TMPRSS11E: variants seen among roughly 807,000 people sequenced by gnomAD.
The protein encoded by TMPRSS11E is transmembrane protease serine 11E.
Under a neutral mutation model 48.1 loss-of-function variants are expected in TMPRSS11E, and 38 were observed. The ratio of observed to expected loss-of-function variants is 0.79; its 90% CI spans 0.61 to 1.04. The LOEUF (loss-of-function observed/expected upper bound fraction) is 1.04, where lower values mean the gene tolerates loss of function less well. Among genes scored for constraint, TMPRSS11E ranks in the 50% least tolerant of loss-of-function variants. The pLI is 0.00. For missense variants in TMPRSS11E, 530 were observed against 510.8 expected (o/e 1.04, Z -0.36); for synonymous variants, 158 against 171.9 (o/e 0.92, Z 0.63).
chr4:68,455,893 T>A lies in TMPRSS11E; in HGVS notation c.12-5928T>A, dbSNP rs375001379. 2.4e-4 allele frequency among the ~76,000 whole-genome samples: 36 copies of A among 152,138 alleles called. No individual in the cohort carries two copies. In the South Asian group the frequency reaches 7.1e-3, roughly 30 times the overall value. ...AAAGAAAGCAAATATATTAGTAGAA[T>A]TCAAACTTCAGTAGCTTAGTTTAAG... is the stretch of plus-strand genomic sequence containing the variant. On this transcript the variant is annotated intron_variant, in intron 1 of 9. Coordinates refer to ENST00000305363, the MANE Select transcript of TMPRSS11E (RefSeq NM_014058.4).
intron 9 of TMPRSS11E, among the ~76,000 whole-genome samples, chr4:68,490,951 G>A (rs1249153076): frequency 2.6e-5 from 4 of 151,622 alleles, no homozygotes; most frequent in Admixed American, 6.6e-5. Flanking sequence ...TAGAGACGGC[G>A]TTTTGCCATG....
Position 68,485,234 on chromosome 4 carries a change from TCC to T in TMPRSS11E, c.1110+6247_1110+6248del, listed in dbSNP as rs1468094205. Among the ~76,000 whole-genome samples the T allele has an allele frequency of 1.2e-4, 18 of 152,112 alleles. 1 individual carries two copies. The South Asian group carries it at 3.5e-3, about 30-fold the overall frequency. The stretch of plus-strand genomic sequence containing the variant: ...CGATCTCAGCTCACTGCAACCTCTG[TCC>T]CCCAGGTTCTAGTGATTCTCCTGCC... On this transcript the variant is annotated intron_variant, in intron 9 of 9. Coordinates refer to ENST00000305363, the MANE Select transcript of TMPRSS11E (RefSeq NM_014058.4).
Position 68,474,851 on chromosome 4 carries a change from T to C in TMPRSS11E, c.529+90T>C, listed in dbSNP as rs959652120. On this transcript the variant is annotated intron_variant, in intron 6 of 9. Coordinates refer to ENST00000305363, the MANE Select transcript of TMPRSS11E (RefSeq NM_014058.4). ...TTAGGTTTACTTTGTGTTGATATCA[T>C]AGGGACAGAACACATAAAGTTTGAT... 54 of 1,043,304 alleles carry C rather than the reference T, an allele frequency of 5.2e-5. No homozygotes were observed. The Middle Eastern group carries it at 8.9e-4, about 17-fold the overall frequency. The allele number at this position is 1,043,304 out of a possible 1,614,324, so 64.6% of individuals were successfully genotyped here.
intron 1 of TMPRSS11E, among the ~76,000 whole-genome samples, chr4:68,456,949 A>C (rs1024217169): frequency 2.6e-5 from 4 of 152,166 alleles, no homozygotes; most frequent in African/African-American, 9.7e-5. Flanking sequence ...AACCATAAAA[A>C]CTCTAGAAGA....
At chr4:68,482,337 T>C (rs1410251145) in intron 9 of TMPRSS11E, among the ~76,000 whole-genome samples, 1 of 152,070 alleles carries the variant, frequency 6.6e-6, no homozygotes, top group Non-Finnish European at 1.5e-5. Context: ...CAGGGATAAA[T>C]ATCCAAATTA....
At position 68,461,873 on chromosome 4, in the gene TMPRSS11E, G is replaced by T; in HGVS notation, c.64G>T (p.Gly22Cys). Residue 22 changes from glycine to cysteine, a missense_variant, in exon 2 of 10, where the codon GGC (glycine) becomes TGC (cysteine). By Grantham distance (159) the Gly-to-Cys change is radical. Transcript: ENST00000305363. ...KRVCWEPWVI[G>C]LVIFISLIVL... ...AGTTTGTTGGGAACCCTGGGTTATC[G>T]GCCTCGTCATCTTCATATCCCTGAT... 1 of 1,614,104 alleles carries T rather than the reference G, an allele frequency of 6.2e-7. No homozygotes were observed. The highest frequency in any genetic ancestry group is 1.7e-5 in the Admixed American group (1 of 60,010).
chr4:68,469,280 A>G (rs1437620301), intron 4 of TMPRSS11E, among the ~76,000 whole-genome samples: 3 of 151,994 alleles, frequency 2.0e-5, no homozygotes, highest in African/African-American at 7.2e-5. Flanking sequence ...GTAAGACAAT[A>G]TAGTAGATCA....
intron 1 of TMPRSS11E, among the ~76,000 whole-genome samples, chr4:68,448,423 G>A (rs1728402182): frequency 6.6e-6 from 1 of 151,828 alleles, no homozygotes; most frequent in Admixed American, 6.6e-5. Flanking sequence ...CATTTTGTTG[G>A]GCTTATCAAG....
chr4:68,448,200 T>A (rs1168662923), intron 1 of TMPRSS11E, among the ~76,000 whole-genome samples: 1 of 152,026 alleles, frequency 6.6e-6, no homozygotes, highest in Non-Finnish European at 1.5e-5. Flanking sequence ...TTAAAATTTA[T>A]TTTCTCTGAT....
In TMPRSS11E at chr4:68,461,802, T is replaced by A; in HGVS notation, c.12-19T>A. The A allele has an allele frequency of 6.2e-7, 1 of 1,614,046 alleles. No homozygotes were observed. Among genetic ancestry groups the A allele is most frequent in the Non-Finnish European group, 8.5e-7 (1 of 1,179,944 alleles). On this transcript the variant is annotated intron_variant, in intron 1 of 9. Coordinates refer to ENST00000305363, the MANE Select transcript of TMPRSS11E (RefSeq NM_014058.4). Reference sequence around the variant, plus strand: ...GTTGCATGCTCTGAAATAATCTATCTATTTATTTTCTTCCTTAGGCCAGAT... The same window carrying A: ...GTTGCATGCTCTGAAATAATCTATCAATTTATTTTCTTCCTTAGGCCAGAT...
In TMPRSS11E at chr4:68,471,445, T is replaced by G. The variant is rs1729064489; in HGVS notation, c.327-15T>G. 1 of 1,237,306 alleles carries G rather than the reference T, an allele frequency of 8.1e-7. No homozygotes were observed. Among genetic ancestry groups the G allele is most frequent in the South Asian group, 2.1e-5 (1 of 47,360 alleles). 76.6% of individuals were successfully genotyped at this position (1,237,306 alleles called of 1,614,324 possible). On this transcript the variant is annotated splice_polypyrimidine_tract_variant and intron_variant, in intron 4 of 9. Transcript: ENST00000305363. ...TTCTTTTCTTTCTTTCATTTTCTTC[T>G]TTTTTGGCCCACAGTCAACAGAAGC...
chr4:68,478,403 G>A (rs1578141334), intron 8 of TMPRSS11E, among the ~76,000 whole-genome samples: 1 of 145,230 alleles, frequency 6.9e-6, no homozygotes, highest in Non-Finnish European at 1.5e-5. Flanking sequence ...CTCGGCCTCC[G>A]AAAGTGCTGG....
At chr4:68,474,645 CT>C in intron 5 of TMPRSS11E, 77 bp from the exon 6 acceptor site, 1 of 1,337,490 alleles carries the variant, frequency 7.5e-7, no homozygotes, top group South Asian at 1.3e-5. Context: ...ATTAAGCAGC[CT>C]TTTAGTATTT....
intron 9 of TMPRSS11E, among the ~76,000 whole-genome samples, chr4:68,492,498 G>A (rs1578147401): frequency 1.3e-5 from 2 of 152,138 alleles, no homozygotes; most frequent in East Asian, 1.9e-4. Context: ...CTTTGCTGGC[G>A]ATTTTGCTGT....
At chr4:68,472,566 G>A (rs537494412) in intron 5 of TMPRSS11E, among the ~76,000 whole-genome samples, 65 of 152,070 alleles carry the variant, frequency 4.3e-4, no homozygotes, top group South Asian at 1.9e-3. Flanking sequence ...ATACAGTAGT[G>A]GATATGGCAG....
intron 7 of TMPRSS11E, among the ~76,000 whole-genome samples, 191 bp from the exon 8 acceptor site, chr4:68,477,178 A>G (rs1251104934): frequency 3.3e-5 from 5 of 152,136 alleles, no homozygotes; most frequent in Non-Finnish European, 7.4e-5. Context: ...AGTGGCATGT[A>G]TATTATAGGA....
Position 68,471,761 on chromosome 4 carries a change from T to C in TMPRSS11E, c.490+138T>C, listed in dbSNP as rs1214121744. On this transcript the variant is annotated intron_variant, in intron 5 of 9. Coordinates refer to ENST00000305363, the MANE Select transcript of TMPRSS11E (RefSeq NM_014058.4). ...AACAGTATATTTCTTTGGAACTAAATTTGTCCTAATGAAGTATTTTAATTT... is the reference window on the plus strand; with the variant it reads ...AACAGTATATTTCTTTGGAACTAAACTTGTCCTAATGAAGTATTTTAATTT... The C allele has an allele frequency of 2.5e-5, 14 of 571,362 alleles. No homozygotes were observed. In the East Asian group the frequency reaches 4.6e-4, roughly 19 times the overall value. The allele number at this position is 571,362 out of a possible 1,614,324, so 35.4% of individuals were successfully genotyped here.
At chr4:68,487,816 C>T (rs978028478) in intron 9 of TMPRSS11E, among the ~76,000 whole-genome samples, 1 of 151,832 alleles carries the variant, frequency 6.6e-6, no homozygotes, top group Non-Finnish European at 1.5e-5. Flanking sequence ...TAATGGGCGC[C>T]TGTAATCCCA....
intron 1 of TMPRSS11E, among the ~76,000 whole-genome samples, chr4:68,456,225 T>C (rs1224056876): frequency 6.6e-6 from 1 of 151,994 alleles, no homozygotes; most frequent in Non-Finnish European, 1.5e-5. Context: ...GGAAAGATAC[T>C]GTCACGTAAG....
Sources: gnomAD v4.1 joint callset for allele counts (sites outside exome capture counted in the v4.1 genomes callset) on GRCh38, gnomAD v4.1.1 for gene constraint, MANE v1.5 for transcripts, NCBI Gene and HGNC (gene_info 2026-07-23, HGNC 2026-07-21) for gene names.